Variants in MAP3K12 observed in about 807,000 individuals in gnomAD.
The protein encoded by MAP3K12 is MAPK-upstream kinase.
A neutral mutation model predicts 87.5 loss-of-function variants in MAP3K12; 14 were observed. That is an observed-to-expected ratio of 0.16 (90% CI 0.11 to 0.25). The LOEUF (loss-of-function observed/expected upper bound fraction) is 0.25, where lower values mean the gene tolerates loss of function less well. Among genes scored for constraint, MAP3K12 ranks in the 10% least tolerant of loss-of-function variants. The probability of loss-of-function intolerance (pLI) is 1.00; values close to 1 mark genes in which losing one functional copy is unlikely to be tolerated. For missense variants in MAP3K12, 802 were observed against 1,140.4 expected (o/e 0.70, Z 4.27); for synonymous variants, 469 against 452.5 (o/e 1.04, Z -0.46).
intron 1 of MAP3K12, among the ~76,000 whole-genome samples, chr12:53,495,541 CAAAAAAAAAAAAAA>C (rs57850924): frequency 6.2e-5 from 3 of 48,040 alleles, no homozygotes; most frequent in Admixed American, 2.6e-4. Context: ...GACTCCATCT[CAAAAAAAAAAAAAA>C]AAAAAAAAAA....
chr12:53,492,470 AAC>A (rs1016154688), intron 1 of MAP3K12, among the ~76,000 whole-genome samples: 6 of 151,896 alleles, frequency 4.0e-5, no homozygotes, highest in Admixed American at 3.3e-4. Flanking sequence ...CGCGCGCGCA[AAC>A]ACACACACAA....
At chr12:53,481,786 G>T in intron 13 of MAP3K12, 155 bp downstream of exon 13, 1 of 872,728 alleles carries the variant, frequency 1.1e-6, no homozygotes. Flanking sequence ...TAGATGCTCT[G>T]TGCAAGAGGC....
intron 10 of MAP3K12, 77 bp from the exon 11 acceptor site, chr12:53,483,266 A>C (rs772258293): frequency 7.6e-6 from 12 of 1,572,548 alleles, no homozygotes; most frequent in African/African-American, 4.1e-5. Context: ...TTGGACACTA[A>C]AGTACACATC....
In MAP3K12 at chr12:53,486,892, A is replaced by G. The variant is rs1378182871; in HGVS notation, c.445+55T>C. 4 of 1,597,132 alleles carry G rather than the reference A, an allele frequency of 2.5e-6. No homozygotes were observed. The African/African-American group carries it at 4.0e-5, about 16-fold the overall frequency. ...TGCGTGACTTTAGCGGAGCTGACCA[A>G]CAGATCTCGGGCTCAGGGAAACAGA... On this transcript the variant is annotated intron_variant, in intron 2 of 13. Coordinates refer to ENST00000547488, the MANE Select transcript of MAP3K12 (RefSeq NM_001193511.2). This position sits in a 1 kb window ranked among gnomAD's most constrained non-coding sequence, Gnocchi z 4.9.
Position 53,481,108 on chromosome 12 carries a change from C to CAT in MAP3K12, c.*72_*73dup, listed in dbSNP as rs146607300. ...CCATCTTTCTGTTGATTATGTGGCG[C>CAT]ATATATATATATATATGTATATATA... is the stretch of plus-strand genomic sequence containing the variant. On this transcript the variant is annotated 3_prime_UTR_variant, in exon 14 of 14. Transcript: ENST00000547488. The CAT allele has an allele frequency of 0.012, 7,070 of 568,016 alleles. 3 individuals are homozygous for CAT. The highest frequency in any genetic ancestry group is 0.02 in the East Asian group (301 of 15,102). The allele number at this position is 568,016 out of a possible 1,614,324, so 35.2% of individuals were successfully genotyped here. A position where few individuals can be genotyped will look rare whatever the true frequency, so the allele number is the denominator to read the frequency against.
chr12:53,499,661 T>TC (rs1943637704), upstream of MAP3K12: 1 of 113,146 alleles, frequency 8.8e-6, no homozygotes, highest in South Asian at 3.3e-4. Flanking sequence ...CGGCTTGAAC[T>TC]CCCGCTCCTT....
In MAP3K12 at chr12:53,482,229, G is replaced by C. The variant is rs1306536944; in HGVS notation, c.2310-18C>G. 1.2e-6 allele frequency: 2 copies of C among 1,613,952 alleles called. No homozygotes were observed. ...GAGGCCACCTACATGTTGAAGAGGG[G>C]GATTACAGCTTGGTTCTGCCCCTAG... On this transcript the variant is annotated intron_variant, in intron 12 of 13. Coordinates refer to ENST00000547488, the MANE Select transcript of MAP3K12 (RefSeq NM_001193511.2).
upstream of MAP3K12, chr12:53,501,392 C>A: frequency 6.4e-7 from 1 of 1,558,650 alleles, no homozygotes. Context: ...GTGGCGCCCG[C>A]GGGGACGGAG....
chr12:53,485,243 C>T (rs749242576), intron 5 of MAP3K12, 29 bp from the exon 6 acceptor site: 14 of 1,602,198 alleles, frequency 8.7e-6, no homozygotes, highest in Non-Finnish European at 1.2e-5. Context: ...CACTTGTGCT[C>T]AAGCCCTAGA....
At chr12:53,498,997 TGTGTGTGG>T in intron 1 of MAP3K12, among the ~76,000 whole-genome samples, 1 of 113,844 alleles carries the variant, frequency 8.8e-6, no homozygotes, top group African/African-American at 3.2e-5. Flanking sequence ...TGTGTGTGTG[TGTGTGTGG>T]AGATGGTGGG....
intron 6 of MAP3K12, 170 bp from the exon 7 acceptor site, chr12:53,484,535 A>C (rs1224952658): frequency 1.7e-6 from 1 of 585,178 alleles, no homozygotes; most frequent in Non-Finnish European, 3.0e-6. Flanking sequence ...ACTATTCATT[A>C]GTGTGTCAAA....
Position 53,481,308 on chromosome 12 carries a change from G to A in MAP3K12, c.2581-28C>T, listed in dbSNP as rs758437019. 3.0e-6 allele frequency: 4 copies of A among 1,355,220 alleles called. No individual in the cohort carries two copies. The East Asian group carries it at 1.1e-4, about 37-fold the overall frequency. The allele number at this position is 1,355,220 out of a possible 1,614,324, so 83.9% of individuals were successfully genotyped here. A position where few individuals can be genotyped will look rare whatever the true frequency, so the allele number is the denominator to read the frequency against. ...GTGAGAAAGAGTAGAAATGGAGTGAGATTCCTTGGGGTTCTTTGCTGGGGT... is the reference window on the plus strand; with the variant it reads ...GTGAGAAAGAGTAGAAATGGAGTGAAATTCCTTGGGGTTCTTTGCTGGGGT... On this transcript the variant is annotated intron_variant, in intron 13 of 13. Coordinates refer to ENST00000547488, the MANE Select transcript of MAP3K12 (RefSeq NM_001193511.2).
At chr12:53,498,908 C>CTGTGTGTGTGTGTGTGTGTGTGTGTG (rs71068135) in intron 1 of MAP3K12, among the ~76,000 whole-genome samples, 1 of 108,358 alleles carries the variant, frequency 9.2e-6, no homozygotes, top group African/African-American at 3.8e-5. Flanking sequence ...GTCCAGCCTG[C>CTGTGTGTGTGTGTGTGTGTGTGTGTG]TGTGTGTGTG....
chr12:53,486,348 C>A lies in MAP3K12; in HGVS notation c.629+91G>T. The A allele has an allele frequency of 6.4e-7, 1 of 1,565,188 alleles. No homozygotes were observed. Among genetic ancestry groups the A allele is most frequent in the South Asian group, 1.2e-5 (1 of 82,992 alleles). ...CACCCATTCCACCTATGGATCTCCTCTGGGGAAGGATGGGGTAGGTCCCAC... is the reference window on the plus strand; with the variant it reads ...CACCCATTCCACCTATGGATCTCCTATGGGGAAGGATGGGGTAGGTCCCAC... On this transcript the variant is annotated intron_variant, in intron 3 of 13. Coordinates refer to ENST00000547488, the MANE Select transcript of MAP3K12 (RefSeq NM_001193511.2). This position sits in a 1 kb window ranked among gnomAD's most constrained non-coding sequence, Gnocchi z 4.9.
intron 4 of MAP3K12, chr12:53,485,846 G>A: frequency 5.2e-6 from 3 of 576,866 alleles, no homozygotes; most frequent in Non-Finnish European, 9.0e-6. Flanking sequence ...GTGAGCCACT[G>A]CATCCGGCCT....
intron 10 of MAP3K12, 27 bp downstream of exon 10, chr12:53,483,322 A>G (rs780775393): frequency 1.2e-6 from 2 of 1,610,266 alleles, no homozygotes; most frequent in South Asian, 2.2e-5. Context: ...CTCTTGCCAT[A>G]TTGGAACCAC....
intron 1 of MAP3K12, among the ~76,000 whole-genome samples, chr12:53,488,543 C>A (rs979175047): frequency 5.9e-5 from 9 of 152,212 alleles, no homozygotes; most frequent in Non-Finnish European, 1.0e-4. Flanking sequence ...TGCCTGTAAT[C>A]CCAGCTACTT....
Position 53,483,997 on chromosome 12 carries a change from T to C in MAP3K12, c.1272A>G (p.Lys424=). 1 of 1,613,844 alleles carries C rather than the reference T, an allele frequency of 6.2e-7. No homozygotes were observed. Among genetic ancestry groups the C allele is most frequent in the South Asian group, 1.1e-5 (1 of 91,082 alleles). ...KSQAEWREEV[K]LHFEKIKSEG... Reference sequence around the variant, plus strand: ...CTGACTTAATCTTTTCAAAGTGCAGTTTTACTTCTTCCCGCCACTCTGCCT... The same window carrying C: ...CTGACTTAATCTTTTCAAAGTGCAGCTTTACTTCTTCCCGCCACTCTGCCT... The change falls in exon 8 of 14, where the codon AAA becomes AAG. Residue 424 remains lysine, a synonymous_variant. Transcript: ENST00000547488.
chr12:53,491,670 T>A (rs56660007), intron 1 of MAP3K12, among the ~76,000 whole-genome samples: 26 of 151,678 alleles, frequency 1.7e-4, no homozygotes, highest in Non-Finnish European at 5.9e-5. Flanking sequence ...CCTGACCTCA[T>A]GATCCGCCCA....
Sources: gnomAD v4.1 joint callset for allele counts (sites outside exome capture counted in the v4.1 genomes callset) on GRCh38, gnomAD v4.1.1 for gene constraint, Gnocchi (gnomAD v3.1) non-coding constraint, MANE v1.5 for transcripts, NCBI Gene and HGNC (gene_info 2026-07-23, HGNC 2026-07-21) for gene names.